The following CNTNAP3B variants were observed in gnomAD, a reference collection of about 807,000 sequenced individuals.
CNTNAP3B encodes contactin-associated protein-like 3B.
CNTNAP3B carries 25 observed loss-of-function variants against 108.9 expected under a neutral mutation model. The ratio of observed to expected loss-of-function variants is 0.23; its 90% CI spans 0.17 to 0.32. CNTNAP3B has a LOEUF of 0.32. Ranked by LOEUF, CNTNAP3B falls within the 10% of genes least tolerant of loss-of-function variation. The pLI is 1.00. For missense variants in CNTNAP3B, 252 were observed against 1,210.4 expected (o/e 0.21, Z 11.75); for synonymous variants, 103 against 473.4 (o/e 0.22, Z 10.16).
At chr9:41,932,517 C>CTTTTTTT in intron 14 of CNTNAP3B, among the ~76,000 whole-genome samples, 2 of 124,864 alleles carry the variant, frequency 1.6e-5, no homozygotes, top group Non-Finnish European at 1.7e-5. Flanking sequence ...ACTTTTTTTT[C>CTTTTTTT]TTCTTTTTTT....
At chr9:42,128,405 T>C (rs571306868) in intron 1 of CNTNAP3B, among the ~76,000 whole-genome samples, 1,599 of 134,918 alleles carry the variant, frequency 0.012, 264 homozygotes, top group South Asian at 0.074. Context: ...ACTGGCTGAG[T>C]TTTGTCTTTA....
chr9:41,946,528 A>G (rs111419065), intron 13 of CNTNAP3B, among the ~76,000 whole-genome samples: 2,944 of 31,132 alleles, frequency 0.095, 604 homozygotes, highest in Middle Eastern at 0.21. Flanking sequence ...AGAAAGTCTC[A>G]AGAGAAACAA....
At chr9:41,934,875 T>A (rs1336678101) in intron 14 of CNTNAP3B, among the ~76,000 whole-genome samples, 5 of 152,298 alleles carry the variant, frequency 3.3e-5, no homozygotes, top group African/African-American at 9.6e-5. Context: ...AACCATCTTA[T>A]TTTATGCTTT....
In CNTNAP3B at chr9:41,960,808, G is replaced by T. The variant is rs1310536457; in HGVS notation, c.1841C>A (p.Pro614His). ...GCAGTACACAAGAAATGGTCCCAGG[G>T]GGCCACTTCCATCTGCATCAATATA... ...LYYIDADGSG[P>H]LGPFLVYCNM... Residue 614 changes from proline to histidine, a missense_variant, in exon 12 of 24, where the codon CCC (proline) becomes CAC (histidine). Pro to His is a moderately conservative substitution (Grantham distance 77, BLOSUM62 -2). Transcript: ENST00000377561. 6.2e-7 allele frequency: 1 copy of T among 1,606,294 alleles called. No homozygotes were observed. Among genetic ancestry groups the T allele is most frequent in the South Asian group, 1.1e-5 (1 of 89,878 alleles).
intron 13 of CNTNAP3B, among the ~76,000 whole-genome samples, chr9:41,939,738 A>T (rs1824275904): frequency 6.6e-6 from 1 of 152,286 alleles, no homozygotes; most frequent in Admixed American, 6.5e-5. Context: ...TTTACATCTA[A>T]ATCTCCCATA....
At position 42,084,105 on chromosome 9, in the gene CNTNAP3B, A is replaced by T. The variant is rs1298984271; in HGVS notation, c.197-7043T>A. On this transcript the variant is annotated intron_variant, in intron 2 of 23. Coordinates refer to ENST00000377561, the MANE Select transcript of CNTNAP3B (RefSeq NM_001201380.3). ...CTAAAGGTTAAATGACTCAGCCTAT[A>T]ACCTCCCTTATCTCCACATCTTGAT... 7.4e-5 allele frequency among the ~76,000 whole-genome samples: 11 copies of T among 148,984 alleles called. No individual in the cohort carries two copies. The East Asian group carries it at 9.8e-4, about 13-fold the overall frequency.
chr9:42,117,444 G>A (rs1034963272), intron 1 of CNTNAP3B, among the ~76,000 whole-genome samples: 1 of 139,740 alleles, frequency 7.2e-6, no homozygotes, highest in Non-Finnish European at 1.5e-5. Context: ...ATAACAAAAT[G>A]AAGGCAGAAA....
chr9:42,115,298 C>T (rs373547678), intron 1 of CNTNAP3B, among the ~76,000 whole-genome samples: 1 of 133,648 alleles, frequency 7.5e-6, no homozygotes, highest in Non-Finnish European at 1.6e-5. Context: ...CAGTCTACAG[C>T]TCCCAGCATG....
intron 3 of CNTNAP3B, among the ~76,000 whole-genome samples, chr9:42,051,960 CTT>C (rs974335800): frequency 1.3e-5 from 2 of 151,686 alleles, no homozygotes; most frequent in East Asian, 1.9e-4. Flanking sequence ...TTTTCTCTCT[CTT>C]GTAAAAAGAA....
At chr9:42,010,400 A>G (rs1174345889) in intron 4 of CNTNAP3B, among the ~76,000 whole-genome samples, 3 of 148,966 alleles carry the variant, frequency 2.0e-5, no homozygotes, top group Admixed American at 2.0e-4. Flanking sequence ...TGGAGGGAAG[A>G]ATACAGAATT....
intron 1 of CNTNAP3B, among the ~76,000 whole-genome samples, chr9:42,118,867 T>A (rs1043128524): frequency 0.012 from 734 of 60,608 alleles, 63 homozygotes; most frequent in African/African-American, 0.052. Flanking sequence ...TGATACAAAA[T>A]CAAGATTTTG....
At chr9:41,958,215 C>G (rs1824931870) in intron 12 of CNTNAP3B, among the ~76,000 whole-genome samples, 2 of 152,298 alleles carry the variant, frequency 1.3e-5, no homozygotes, top group South Asian at 4.1e-4. Context: ...TCAAGCGATC[C>G]TCCCACCTCA....
At position 42,112,544 on chromosome 9, in the gene CNTNAP3B, G is replaced by C. The variant is rs147810864; in HGVS notation, c.86-7805C>G. On this transcript the variant is annotated intron_variant, in intron 1 of 23. Transcript: ENST00000377561. ...CCCGGGACATGACAGACAATTCCTA[G>C]AGTCTACCTGTGGGAACAGATGAGG... 3.8e-4 allele frequency among the ~76,000 whole-genome samples: 53 copies of C among 138,758 alleles called. 2 individuals carry two copies. Among genetic ancestry groups the C allele is most frequent in the African/African-American group, 1.3e-3 (45 of 34,836 alleles). 91.0% of individuals were successfully genotyped at this position (138,758 alleles called of 152,430 possible).
In CNTNAP3B at chr9:42,115,739, C is replaced by T. The variant is rs1209816267; in HGVS notation, c.86-11000G>A. 2.5e-5 allele frequency among the ~76,000 whole-genome samples: 3 copies of T among 119,170 alleles called. 1 individual carries two copies. Among genetic ancestry groups the T allele is most frequent in the African/African-American group, 1.1e-4 (3 of 28,140 alleles). The allele number at this position is 119,170 out of a possible 152,430, so 78.2% of individuals were successfully genotyped here. Reference sequence around the variant, plus strand: ...TCACCACCATCAAAGACCAAAGGTACATAAAACCACAAAGATGGGGAGAAA... The same window carrying T: ...TCACCACCATCAAAGACCAAAGGTATATAAAACCACAAAGATGGGGAGAAA... On this transcript the variant is annotated intron_variant, in intron 1 of 23. Coordinates refer to ENST00000377561, the MANE Select transcript of CNTNAP3B (RefSeq NM_001201380.3).
intron 3 of CNTNAP3B, among the ~76,000 whole-genome samples, chr9:42,016,973 T>A (rs868783171): frequency 3.9e-3 from 592 of 151,412 alleles, no homozygotes; most frequent in Middle Eastern, 0.02. Flanking sequence ...GACAGTCACT[T>A]AAGTTTGATG....
intron 11 of CNTNAP3B, among the ~76,000 whole-genome samples, chr9:41,961,805 T>G (rs71512037): frequency 6.6e-6 from 1 of 152,306 alleles, no homozygotes; most frequent in Non-Finnish European, 1.5e-5. Context: ...AAATTTACTC[T>G]AGCATAATTG....
In CNTNAP3B at chr9:42,116,857, A is replaced by G. The variant is rs577282987; in HGVS notation, c.86-12118T>C. Among the ~76,000 whole-genome samples the G allele has an allele frequency of 9.7e-3, 1,335 of 138,230 alleles. 257 individuals carry two copies. Among genetic ancestry groups the G allele is most frequent in the African/African-American group, 0.037 (1,260 of 34,512 alleles). 90.7% of individuals were successfully genotyped at this position (138,230 alleles called of 152,430 possible). The stretch of plus-strand genomic sequence containing the variant: ...TGCCAAGCAAAGGGAAAACAAAAAA[A>G]AAGCAGGGGTTGGAATCCTAGTCTC... On this transcript the variant is annotated intron_variant, in intron 1 of 23. Transcript: ENST00000377561.
intron 3 of CNTNAP3B, among the ~76,000 whole-genome samples, chr9:42,030,847 A>AGAGAGAGAGAGAGAGAGAGAGAGG (rs1564177967): frequency 8.4e-6 from 1 of 119,556 alleles, no homozygotes; most frequent in African/African-American, 3.6e-5. Flanking sequence ...AGAGAGAGAG[A>AGAGAGAGAGAGAGAGAGAGAGAGG]TGTGTGCTAT....
At chr9:42,035,785 G>A (rs1359928732) in intron 3 of CNTNAP3B, among the ~76,000 whole-genome samples, 3 of 150,496 alleles carry the variant, frequency 2.0e-5, no homozygotes, top group African/African-American at 7.4e-5. Context: ...AGCCTCCTGA[G>A]CAGCTGGGAC....
Sources: allele counts gnomAD v4.1 joint callset (sites outside exome capture counted in the v4.1 genomes callset), GRCh38; gene constraint gnomAD v4.1.1; transcripts MANE v1.5; gene names NCBI Gene and HGNC (gene_info 2026-07-23, HGNC 2026-07-21).